The following SATL1 variants were observed in gnomAD, a reference collection of about 807,000 sequenced individuals.
The protein encoded by SATL1 is spermidine/spermine N1-acetyl transferase like 1.
Under a neutral mutation model 51.8 loss-of-function variants are expected in SATL1, and 47 were observed. The ratio of observed to expected loss-of-function variants is 0.91; its 90% CI spans 0.72 to 1.16. SATL1 has a LOEUF of 1.16. Ranked by LOEUF, SATL1 falls within the 50% of genes most tolerant of loss-of-function variation. SATL1 has a pLI of 0.00. For synonymous variants in SATL1, 176 were observed against 182.4 expected (o/e 0.97, Z 0.28); for missense variants, 520 against 526.4 (o/e 0.99, Z 0.12).
intron 2 of SATL1, among the ~76,000 whole-genome samples, chrX:85,222,594 G>A (rs1602924211): frequency 9.0e-6 from 1 of 111,216 alleles, no homozygotes; most frequent in East Asian, 2.9e-4. Context: ...ATGCCACCTG[G>A]ACTGCCTGAT....
chrX:85,121,269 G>A (rs1358166174), intron 2 of SATL1, among the ~76,000 whole-genome samples: 8 of 104,905 alleles, frequency 7.6e-5, no homozygotes, highest in Non-Finnish European at 1.4e-4. Context: ...GTACACAGTA[G>A]ATGAATTATT....
At chrX:85,174,382 G>C (rs1310848599) in intron 2 of SATL1, among the ~76,000 whole-genome samples, 1 of 108,846 alleles carries the variant, frequency 9.2e-6, no homozygotes, top group Non-Finnish European at 1.9e-5. Context: ...GAGTGCAATG[G>C]CATAATCTCG....
intron 2 of SATL1, among the ~76,000 whole-genome samples, chrX:85,156,813 TTATATATATATATATATATATATATA>T (rs71933802): frequency 0.17 from 10,287 of 62,152 alleles, 904 homozygotes; most frequent in Admixed American, 0.3. Flanking sequence ...CATGTGGAGA[TTATATATATATATATATATATATATA>T]TATATATATA....
chrX:85,093,056 G>A (rs1924576976), intron 7 of SATL1, 129 bp downstream of exon 7: 18 of 580,499 alleles, frequency 3.1e-5, no homozygotes, highest in Non-Finnish European at 4.5e-5. Flanking sequence ...AGTTTAATTT[G>A]GGTAGAAATT....
intron 2 of SATL1, among the ~76,000 whole-genome samples, chrX:85,205,041 T>C (rs1314047848): frequency 1.8e-5 from 2 of 111,608 alleles, no homozygotes; most frequent in Admixed American, 1.9e-4. Flanking sequence ...GGATAGTGGA[T>C]TGGTTCTGAT....
At chrX:85,225,941 G>A (rs1031552270) in intron 1 of SATL1, among the ~76,000 whole-genome samples, 1 of 109,639 alleles carries the variant, frequency 9.1e-6, no homozygotes, top group Admixed American at 9.7e-5. Flanking sequence ...TTCCTTGCAG[G>A]ACCCTCATCT....
intron 2 of SATL1, among the ~76,000 whole-genome samples, chrX:85,165,063 G>A (rs923306579): frequency 1.1e-4 from 12 of 111,069 alleles, no homozygotes; most frequent in Admixed American, 3.8e-4. Context: ...TTCTTTGAGC[G>A]TCTCGTGTTT....
At chrX:85,188,937 T>A (rs1005634870) in intron 2 of SATL1, among the ~76,000 whole-genome samples, 1 of 112,007 alleles carries the variant, frequency 8.9e-6, no homozygotes, top group East Asian at 2.8e-4. Flanking sequence ...TCTACATTGA[T>A]ATGTGGCTGC....
At chrX:85,220,985 C>G (rs1470756912) in intron 2 of SATL1, among the ~76,000 whole-genome samples, 2 of 111,157 alleles carry the variant, frequency 1.8e-5, no homozygotes, top group Non-Finnish European at 3.8e-5. Context: ...GTAACTGACA[C>G]CCAGTTGGTC....
chrX:85,144,818 G>A (rs1161551008), intron 2 of SATL1, among the ~76,000 whole-genome samples: 1 of 111,156 alleles, frequency 9.0e-6, no homozygotes, highest in African/African-American at 3.3e-5. Context: ...CTTGAGCTCA[G>A]AAGTTCAAGA....
intron 2 of SATL1, among the ~76,000 whole-genome samples, chrX:85,201,144 TTGTG>T (rs1927678574): frequency 9.0e-6 from 1 of 111,521 alleles, no homozygotes; most frequent in Admixed American, 9.6e-5. Flanking sequence ...AAATGTATAC[TTGTG>T]TGTGCTTTTG....
chrX:85,095,048 G>A, intron 4 of SATL1, 52 bp from the exon 5 acceptor site: 1 of 668,217 alleles, frequency 1.5e-6, no homozygotes, highest in South Asian at 2.6e-5. Context: ...GCAGAGAGAA[G>A]GAGATGGTGG....
chrX:85,186,390 C>T (rs1465030431), intron 2 of SATL1, among the ~76,000 whole-genome samples: 1 of 110,336 alleles, frequency 9.1e-6, no homozygotes, highest in Admixed American at 9.8e-5. Context: ...TCTAAAGGCT[C>T]CAAGCCCAGC....
intron 2 of SATL1, among the ~76,000 whole-genome samples, chrX:85,162,263 G>T (rs765855896): frequency 1.5e-4 from 17 of 111,093 alleles, no homozygotes; most frequent in Middle Eastern, 4.6e-3. Context: ...AGAACCAGGA[G>T]CAAACCAACC....
intron 2 of SATL1, chrX:85,116,169 G>A: frequency 8.9e-6 from 1 of 111,885 alleles, no homozygotes; most frequent in Admixed American, 9.5e-5. Context: ...TTATATCCCA[G>A]TCGCATGGCA....
At chrX:85,140,708 G>C (rs1184799919) in intron 2 of SATL1, among the ~76,000 whole-genome samples, 2 of 111,954 alleles carry the variant, frequency 1.8e-5, no homozygotes, top group Non-Finnish European at 3.8e-5. Flanking sequence ...ATTGTGTCCT[G>C]TTTCATGCAT....
intron 2 of SATL1, among the ~76,000 whole-genome samples, chrX:85,149,094 A>C (rs1320249333): frequency 9.0e-6 from 1 of 111,668 alleles, no homozygotes; most frequent in East Asian, 2.8e-4. Context: ...AGACACACAT[A>C]GGCTCAAAAT....
intron 2 of SATL1, among the ~76,000 whole-genome samples, chrX:85,114,933 G>T (rs1925348718): frequency 9.0e-6 from 1 of 111,653 alleles, no homozygotes. Flanking sequence ...CATATCTTAT[G>T]ATCTTTAAGG....
In SATL1 at chrX:85,121,848, C is replaced by G. The variant is rs776084191; in HGVS notation, c.-312-12568G>C. Among the ~76,000 whole-genome samples the G allele has an allele frequency of 8.3e-4, 90 of 108,915 alleles. 1 individual carries two copies. The highest frequency in any genetic ancestry group is 2.9e-3 in the African/African-American group (86 of 30,017). The allele number at this position is 108,915 out of a possible 115,157, so 94.6% of individuals were successfully genotyped here. A position where few individuals can be genotyped will look rare whatever the true frequency, so the allele number is the denominator to read the frequency against. On this transcript the variant is annotated intron_variant, in intron 2 of 7. Transcript: ENST00000644105. ...TAATGTATAATATACTTGAAAATTG[C>G]TAAGAGAGTAGATTTTAAATGTCCT...
Sources: allele counts gnomAD v4.1 joint callset (sites outside exome capture counted in the v4.1 genomes callset), GRCh38; gene constraint gnomAD v4.1.1; transcripts MANE v1.5; gene names NCBI Gene and HGNC (gene_info 2026-07-23, HGNC 2026-07-21).